NCR1: variants seen among roughly 807,000 people sequenced by gnomAD.
NCR1 encodes natural cytotoxicity triggering receptor 1, also known as NK cell-activating receptor.
In NCR1, 30 loss-of-function variants were observed where a neutral mutation model predicts 32.5. The observed-to-expected ratio is 0.92, with a 90% CI of 0.69 to 1.25. NCR1 has a LOEUF of 1.25. NCR1 is among the 50% of genes most tolerant of loss of function. The pLI is 0.00. For synonymous variants in NCR1, 169 were observed against 143.4 expected (o/e 1.18, Z -1.28); for missense variants, 369 against 380.7 (o/e 0.97, Z 0.26).
Position 54,906,758 on chromosome 19 carries a change from T to A in NCR1, c.306T>A (p.Val102=), listed in dbSNP as rs747023317. The change falls in exon 3 of 7, where the codon GTT becomes GTA. Residue 102 remains valine, a synonymous_variant. Coordinates refer to ENST00000291890, the MANE Select transcript of NCR1 (RefSeq NM_004829.7). ...GGCAATACAGCTGCATCTATCGGGT[T>A]GGGGAGCTCTGGTCAGAGCCCAGCA... ...MAGQYSCIYR[V]GELWSEPSNL... The A allele has an allele frequency of 4.3e-6, 7 of 1,614,160 alleles. No individual in the cohort carries two copies. In the South Asian group the frequency reaches 7.7e-5, roughly 18 times the overall value.
At chr19:54,936,044 T>A in the NCR1 span, among the ~76,000 whole-genome samples, 1 of 152,050 alleles carries the variant, frequency 6.6e-6, no homozygotes, top group African/African-American at 2.4e-5. Flanking sequence ...CAGCACAGAA[T>A]TCGGGGTGTT....
chr19:54,913,055 C>CTT lies in NCR1; in HGVS notation c.*198_*199dup, dbSNP rs200118432. ...GGTGGGAGAACTACATGCTAAATTT[C>CTT]TTTTTTTTTTTTTTTGAGACAGAGT... On this transcript the variant is annotated 3_prime_UTR_variant, in exon 7 of 7. Coordinates refer to ENST00000291890, the MANE Select transcript of NCR1 (RefSeq NM_004829.7). 1.5e-3 allele frequency: 658 copies of CTT among 429,912 alleles called. No individual in the cohort carries two copies. Among genetic ancestry groups the CTT allele is most frequent in the Non-Finnish European group, 2.0e-3 (496 of 244,674 alleles). 26.6% of individuals were successfully genotyped at this position (429,912 alleles called of 1,614,324 possible).
chr19:54,906,274 A>C lies in NCR1; in HGVS notation c.35-25A>C, dbSNP rs2067603243. On this transcript the variant is annotated intron_variant, in intron 1 of 6. Transcript: ENST00000291890. ...GATCACGGTGTGCCTGGGAGGCAAC[A>C]GGTCTCATTACTCCCGTCTTCCAGG... 5 of 1,614,164 alleles carry C rather than the reference A, an allele frequency of 3.1e-6. No individual in the cohort carries two copies. In the East Asian group the frequency reaches 1.1e-4, roughly 36 times the overall value.
chr19:54,935,338 C>A, the NCR1 span, among the ~76,000 whole-genome samples: 3 of 151,982 alleles, frequency 2.0e-5, no homozygotes, highest in Admixed American at 2.0e-4. Context: ...AATGATCCTC[C>A]CACCTCAGCA....
chr19:54,910,269 C>G (rs991787491), intron 5 of NCR1, among the ~76,000 whole-genome samples: 1 of 152,076 alleles, frequency 6.6e-6, no homozygotes, highest in African/African-American at 2.4e-5. Flanking sequence ...AACCCTGTCT[C>G]TACTAAAAAT....
At chr19:54,916,017 G>GA (rs773165998), downstream of NCR1, 165 of 124,350 alleles carry the variant, frequency 1.3e-3, no homozygotes, top group Middle Eastern at 8.1e-3. Context: ...TTCCTAATAA[G>GA]AAAAAAAAAA....
chr19:54,903,333 T>C (rs1309970630), upstream of NCR1, among the ~76,000 whole-genome samples: 5 of 134,974 alleles, frequency 3.7e-5, no homozygotes, highest in Non-Finnish European at 6.3e-5. Context: ...TATATACATG[T>C]ATGTATATAC....
the NCR1 span, among the ~76,000 whole-genome samples, chr19:54,937,591 C>CAAAAAAA: frequency 6.9e-6 from 1 of 145,152 alleles, no homozygotes; most frequent in East Asian, 2.0e-4. Context: ...AACTCTGTCT[C>CAAAAAAA]AGAAAAAATA....
chr19:54,925,669 A>G, the NCR1 span, among the ~76,000 whole-genome samples: 1 of 152,196 alleles, frequency 6.6e-6, no homozygotes, highest in South Asian at 2.1e-4. Context: ...AAGAAAAGAC[A>G]AAGGCAAGAA....
At chr19:54,922,540 G>A in the NCR1 span, among the ~76,000 whole-genome samples, 97 of 152,146 alleles carry the variant, frequency 6.4e-4, 1 homozygote, top group South Asian at 3.7e-3. Flanking sequence ...CACTCTGGGA[G>A]GCTGAGGCGG....
At chr19:54,903,199 C>A (rs2067332153), upstream of NCR1, among the ~76,000 whole-genome samples, 1 of 151,538 alleles carries the variant, frequency 6.6e-6, no homozygotes, top group African/African-American at 2.4e-5. Flanking sequence ...GTACAGTAGT[C>A]ACATGTATCC....
the NCR1 span, among the ~76,000 whole-genome samples, chr19:54,924,304 A>G: frequency 1.3e-5 from 2 of 152,118 alleles, no homozygotes; most frequent in South Asian, 2.1e-4. Context: ...GACCCACACA[A>G]TGGGGATCCT....
At chr19:54,904,259 T>C (rs2067405728), upstream of NCR1, among the ~76,000 whole-genome samples, 1 of 152,160 alleles carries the variant, frequency 6.6e-6, no homozygotes, top group Non-Finnish European at 1.5e-5. Flanking sequence ...TTGAAGAAGA[T>C]AGTGTTATCA....
the NCR1 span, chr19:54,936,138 G>A: frequency 4.7e-6 from 4 of 849,298 alleles, no homozygotes; most frequent in Admixed American, 5.9e-5. Flanking sequence ...ACACAGGCCT[G>A]TTTGAGGAAT....
At chr19:54,921,899 A>AT in the NCR1 span, among the ~76,000 whole-genome samples, 131 of 145,352 alleles carry the variant, frequency 9.0e-4, 1 homozygote, top group South Asian at 1.5e-3. Context: ...CAATGCTCTT[A>AT]TTTTTTTTTT....
At chr19:54,923,789 C>T in the NCR1 span, 1 of 1,614,054 alleles carries the variant, frequency 6.2e-7, no homozygotes, top group Non-Finnish European at 8.5e-7. Context: ...GGAAGCATTG[C>T]AATCAATAGT....
the NCR1 span, among the ~76,000 whole-genome samples, chr19:54,932,122 G>A: frequency 6.6e-6 from 1 of 152,108 alleles, no homozygotes; most frequent in East Asian, 1.9e-4. Context: ...GTAGGTGACT[G>A]TTTGTTTAAC....
At chr19:54,928,198 C>T in the NCR1 span, among the ~76,000 whole-genome samples, 3 of 152,034 alleles carry the variant, frequency 2.0e-5, no homozygotes, top group East Asian at 5.8e-4. Flanking sequence ...CCAGCCTGGG[C>T]AATAGAATGA....
downstream of NCR1, among the ~76,000 whole-genome samples, chr19:54,918,148 G>C (rs576189013): frequency 6.6e-6 from 1 of 152,002 alleles, no homozygotes; most frequent in East Asian, 1.9e-4. Flanking sequence ...TGTTAGCCAG[G>C]ATGGTCTCGA....
Sources: allele counts gnomAD v4.1 joint callset (sites outside exome capture counted in the v4.1 genomes callset), GRCh38; gene constraint gnomAD v4.1.1; transcripts MANE v1.5; gene names NCBI Gene and HGNC (gene_info 2026-07-23, HGNC 2026-07-21).